Variants in THBS4 observed in about 807,000 individuals in gnomAD.
The protein encoded by THBS4 is thrombospondin 4.
A neutral mutation model predicts 115.7 loss-of-function variants in THBS4; 90 were observed. The observed-to-expected ratio is 0.78, with a 90% CI of 0.66 to 0.93. The LOEUF (loss-of-function observed/expected upper bound fraction) is 0.93, where lower values mean the gene tolerates loss of function less well. Ranked by LOEUF, THBS4 falls within the 40% of genes least tolerant of loss-of-function variation. The pLI, the probability that THBS4 is intolerant of heterozygous loss-of-function variation, is 0.00. For missense variants in THBS4, 1,087 were observed against 1,232.7 expected (o/e 0.88, Z 1.77); for synonymous variants, 460 against 479.3 (o/e 0.96, Z 0.53).
At chr5:80,030,461 G>A (rs180719381), upstream of THBS4, among the ~76,000 whole-genome samples, 97 of 152,032 alleles carry the variant, frequency 6.4e-4, no homozygotes, top group African/African-American at 2.3e-3. Context: ...TCCACCTCCC[G>A]GGTTCAAGCG....
intron 2 of THBS4, among the ~76,000 whole-genome samples, chr5:80,002,053 T>C (rs539673600): frequency 4.9e-4 from 75 of 152,338 alleles, no homozygotes; most frequent in African/African-American, 1.7e-3. Flanking sequence ...TATTTTCAAT[T>C]TGAACTTTGA....
At chr5:80,031,088 C>T (rs1292184567), upstream of THBS4, among the ~76,000 whole-genome samples, 1 of 152,192 alleles carries the variant, frequency 6.6e-6, no homozygotes, top group African/African-American at 2.4e-5. Flanking sequence ...ATCACACATG[C>T]AGCAAAGGGG....
At chr5:80,057,122 T>G (rs961376384) in intron 3 of THBS4, among the ~76,000 whole-genome samples, 2 of 152,204 alleles carry the variant, frequency 1.3e-5, no homozygotes, top group Admixed American at 6.5e-5. Context: ...AAAAAATTAA[T>G]AGAAAGATAT....
chr5:80,038,725 T>C (rs1024885344), intron 1 of THBS4, among the ~76,000 whole-genome samples: 2 of 152,198 alleles, frequency 1.3e-5, no homozygotes, highest in Non-Finnish European at 2.9e-5. Flanking sequence ...TGTACCTAAA[T>C]CATTTACCAT....
chr5:80,037,954 C>T (rs1481133002), intron 1 of THBS4, among the ~76,000 whole-genome samples: 1 of 152,170 alleles, frequency 6.6e-6, no homozygotes, highest in Admixed American at 6.5e-5. Flanking sequence ...CTTTCCAACA[C>T]ATCTCATGTT....
chr5:80,082,252 G>C, intron 20 of THBS4, 154 bp from the exon 21 acceptor site: 1 of 971,670 alleles, frequency 1.0e-6, no homozygotes, highest in South Asian at 1.7e-5. Flanking sequence ...AGTGGCAACA[G>C]CTACAGTACA....
At chr5:80,006,830 T>TC (rs1226576816) in intron 2 of THBS4, among the ~76,000 whole-genome samples, 4 of 152,166 alleles carry the variant, frequency 2.6e-5, no homozygotes, top group Admixed American at 6.5e-5. Flanking sequence ...AGCCCTGACT[T>TC]CCCCAATATG....
intron 2 of THBS4, among the ~76,000 whole-genome samples, chr5:80,045,759 G>A (rs995923732): frequency 3.9e-5 from 6 of 152,020 alleles, no homozygotes; most frequent in African/African-American, 7.3e-5. Flanking sequence ...TCAAACTCGC[G>A]ACCTCAGATG....
chr5:80,042,577 T>C (rs1159855470), intron 2 of THBS4, among the ~76,000 whole-genome samples: 1 of 152,192 alleles, frequency 6.6e-6, no homozygotes, highest in Non-Finnish European at 1.5e-5. Flanking sequence ...TCAGTTTGTA[T>C]AGACAAGAGT....
chr5:80,056,540 A>C (rs975168353), intron 3 of THBS4, among the ~76,000 whole-genome samples: 2 of 152,224 alleles, frequency 1.3e-5, no homozygotes, highest in African/African-American at 4.8e-5. Flanking sequence ...ATTTGGTCTT[A>C]AGATACCATC....
At chr5:80,001,263 G>T (rs55840047) in intron 2 of THBS4, among the ~76,000 whole-genome samples, 8,116 of 122,692 alleles carry the variant, frequency 0.066, 308 homozygotes, top group Non-Finnish European at 0.1. Context: ...ATTTGTTGCC[G>T]TGTTTTAGAA....
chr5:80,077,776 T>C (rs1580990760), intron 16 of THBS4, among the ~76,000 whole-genome samples: 1 of 152,158 alleles, frequency 6.6e-6, no homozygotes, highest in Non-Finnish European at 1.5e-5. Flanking sequence ...AATAAGAACT[T>C]CTTGAGGACA....
chr5:80,007,200 T>A (rs1209778385), intron 2 of THBS4, among the ~76,000 whole-genome samples: 1 of 152,246 alleles, frequency 6.6e-6, no homozygotes, highest in African/African-American at 2.4e-5. Context: ...GACTTGACCA[T>A]AATGTGACTA....
chr5:80,033,039 C>A, upstream of THBS4: 1 of 169,968 alleles, frequency 5.9e-6, no homozygotes. Flanking sequence ...CTATTGTGCT[C>A]AAGAACACCG....
At position 80,029,087 on chromosome 5, in the gene THBS4, C is replaced by A. The variant is rs573146452; in HGVS notation, n.178-10990C>A. On this transcript the variant is annotated intron_variant and non_coding_transcript_variant, in intron 2 of 3. Transcript: ENST00000510218. The stretch of plus-strand genomic sequence containing the variant: ...TCATTTGCTTGCAAACCATTTTTTC[C>A]CCATAGATGAACTTCAGCCCAAATA... 1.6e-3 allele frequency among the ~76,000 whole-genome samples: 243 copies of A among 152,184 alleles called. 1 individual carries two copies. Among genetic ancestry groups the A allele is most frequent in the African/African-American group, 5.6e-3 (232 of 41,500 alleles).
chr5:80,038,258 T>C (rs1261791646), intron 1 of THBS4, among the ~76,000 whole-genome samples: 1 of 152,218 alleles, frequency 6.6e-6, no homozygotes, highest in Middle Eastern at 3.2e-3. Context: ...GTATTGTCTT[T>C]CATTTCAAAT....
chr5:80,071,845 C>T (rs1294041157), intron 13 of THBS4: 1 of 174,952 alleles, frequency 5.7e-6, no homozygotes, highest in Non-Finnish European at 1.2e-5. Context: ...CCGCATTGTC[C>T]TCATTGCTGA....
At chr5:80,061,964 A>G in intron 8 of THBS4, 132 bp downstream of exon 8, 2 of 1,022,966 alleles carry the variant, frequency 2.0e-6, no homozygotes, top group Non-Finnish European at 2.7e-6. Context: ...GTGCAAAATG[A>G]GCAAATTAGG....
chr5:80,083,044 G>A, intron 21 of THBS4, 36 bp from the exon 22 acceptor site: 1 of 1,598,036 alleles, frequency 6.3e-7, no homozygotes, highest in South Asian at 1.1e-5. Flanking sequence ...GGTGGAAGGA[G>A]CCTCGCTAAC....
Sources: gnomAD v4.1 joint callset for allele counts (sites outside exome capture counted in the v4.1 genomes callset) on GRCh38, gnomAD v4.1.1 for gene constraint, MANE v1.5 for transcripts, NCBI Gene and HGNC (gene_info 2026-07-23, HGNC 2026-07-21) for gene names.